CDH13: variants seen among roughly 807,000 people sequenced by gnomAD.
CDH13 encodes the protein cadherin-13.
CDH13 carries 24 observed loss-of-function variants against 63.8 expected under a neutral mutation model. That is an observed-to-expected ratio of 0.38 (90% CI 0.27 to 0.53). CDH13 has a LOEUF of 0.53. Among genes scored for constraint, CDH13 ranks in the 20% least tolerant of loss-of-function variants. The pLI is 0.85. For missense variants in CDH13, 1,049 were observed against 903.1 expected (o/e 1.16, Z -2.07); for synonymous variants, 503 against 355.3 (o/e 1.42, Z -4.67).
chr16:83,549,946 G>A (rs1171170173), intron 7 of CDH13, among the ~76,000 whole-genome samples: 2 of 152,158 alleles, frequency 1.3e-5, no homozygotes, highest in South Asian at 2.1e-4. Flanking sequence ...TTTCCCACTC[G>A]TCTTGCTGGT....
rs77039277 is a variant in CDH13, at chr16:82,848,897, G to T, written c.46-9465G>T. On this transcript the variant is annotated intron_variant, in intron 1 of 13. Transcript: ENST00000567109. ...AGGTAGGCTGAAAGCTAGGTTTCTT[G>T]TGCCAAAGAGTAAAGTTGTGAATGC... Among the ~76,000 whole-genome samples, 579 of 152,314 alleles carry T rather than the reference G, an allele frequency of 3.8e-3. 1 individual carries two copies. The highest frequency in any genetic ancestry group is 6.7e-3 in the Non-Finnish European group (454 of 68,032).
chr16:83,732,556 G>T (rs1911142690), intron 10 of CDH13, among the ~76,000 whole-genome samples: 1 of 152,108 alleles, frequency 6.6e-6, no homozygotes, highest in Non-Finnish European at 1.5e-5. Context: ...ACTGTAGTAG[G>T]GTTCTGTTTC....
intron 7 of CDH13, among the ~76,000 whole-genome samples, chr16:83,601,158 C>G (rs779486681): frequency 9.2e-5 from 14 of 152,032 alleles, no homozygotes; most frequent in Non-Finnish European, 1.9e-4. Context: ...AAAGGCAATC[C>G]TAACCCAAAC....
chr16:83,301,320 C>A (rs183760159), intron 5 of CDH13, among the ~76,000 whole-genome samples: 1 of 152,070 alleles, frequency 6.6e-6, no homozygotes, highest in South Asian at 2.1e-4. Context: ...CGTGAGCCAC[C>A]GCACCTGGTC....
chr16:83,478,287 C>G (rs1006975354), intron 6 of CDH13, among the ~76,000 whole-genome samples: 10 of 152,124 alleles, frequency 6.6e-5, no homozygotes, highest in African/African-American at 1.9e-4. Context: ...TGCCACCAAC[C>G]CCACCTCTCC....
chr16:82,758,441 C>T (rs1365500601), intron 1 of CDH13, among the ~76,000 whole-genome samples: 1 of 147,904 alleles, frequency 6.8e-6, no homozygotes, highest in Non-Finnish European at 1.5e-5. Flanking sequence ...CCCCCCTTTG[C>T]TTTGTCTCCC....
intron 2 of CDH13, among the ~76,000 whole-genome samples, chr16:82,903,000 T>C (rs1343885946): frequency 1.3e-5 from 2 of 152,348 alleles, no homozygotes; most frequent in South Asian, 4.1e-4. Flanking sequence ...CTCCTTTCTC[T>C]AGTTCAGGCA....
chr16:82,867,088 C>G (rs1339394837), intron 2 of CDH13, among the ~76,000 whole-genome samples: 1 of 152,184 alleles, frequency 6.6e-6, no homozygotes, highest in East Asian at 1.9e-4. Flanking sequence ...TGAGGGCCAC[C>G]TCGAACCTCA....
At chr16:83,451,614 C>G (rs959596549) in intron 6 of CDH13, among the ~76,000 whole-genome samples, 2 of 152,180 alleles carry the variant, frequency 1.3e-5, no homozygotes, top group Non-Finnish European at 2.9e-5. Context: ...ACTTCCTGGG[C>G]TCAAGAGATT....
At chr16:82,725,174 T>C (rs574837872) in intron 1 of CDH13, among the ~76,000 whole-genome samples, 59 of 152,062 alleles carry the variant, frequency 3.9e-4, no homozygotes, top group African/African-American at 1.3e-3. Context: ...ATGGCGATGA[T>C]GATGATTTGG....
At chr16:83,310,223 G>C (rs1336705893) in intron 5 of CDH13, among the ~76,000 whole-genome samples, 2 of 152,140 alleles carry the variant, frequency 1.3e-5, no homozygotes, top group East Asian at 1.9e-4. Flanking sequence ...AGTTATGTCT[G>C]TAATATTCCC....
At position 83,207,568 on chromosome 16, in the gene CDH13, G is replaced by A. The variant is rs1166885047; in HGVS notation, c.484-9777G>A. Among the ~76,000 whole-genome samples the A allele has an allele frequency of 4.6e-5, 7 of 152,174 alleles. No homozygotes were observed. In the East Asian group the frequency reaches 1.2e-3, roughly 25 times the overall value. ...GAGTTGTTCCCACATTTTGGCTATT[G>A]TGAGAAATCCTACAGAATGCTTATT... is the stretch of plus-strand genomic sequence containing the variant. On this transcript the variant is annotated intron_variant, in intron 4 of 13. Coordinates refer to ENST00000567109, the MANE Select transcript of CDH13 (RefSeq NM_001257.5).
chr16:83,718,452 C>T (rs72797291), intron 10 of CDH13, among the ~76,000 whole-genome samples: 19,622 of 152,134 alleles, frequency 0.13, 1,389 homozygotes, highest in Admixed American at 0.16. Context: ...GTGAAGGAAT[C>T]GCTCTCAAGG....
intron 8 of CDH13, among the ~76,000 whole-genome samples, chr16:83,631,958 T>C (rs1910815399): frequency 6.6e-6 from 1 of 152,146 alleles, no homozygotes; most frequent in South Asian, 2.1e-4. Flanking sequence ...AGACAAACTG[T>C]CCATATGACA....
Position 83,303,082 on chromosome 16 carries a change from C to T in CDH13, c.637-41780C>T, listed in dbSNP as rs1404120017. The stretch of plus-strand genomic sequence containing the variant: ...TGCCCACATGATGGCATCAGAGAGA[C>T]AAGGGGCATCTCTTTTATCTGTCAT... On this transcript the variant is annotated intron_variant, in intron 5 of 13. Transcript: ENST00000567109. Among the ~76,000 whole-genome samples, 3 of 152,260 alleles carry T rather than the reference C, an allele frequency of 2.0e-5. No homozygotes were observed. The East Asian group carries it at 5.8e-4, about 29-fold the overall frequency.
At chr16:83,336,991 T>C (rs1287534962) in intron 5 of CDH13, among the ~76,000 whole-genome samples, 1 of 152,228 alleles carries the variant, frequency 6.6e-6, no homozygotes, top group Non-Finnish European at 1.5e-5. Context: ...GTGTCTTTCA[T>C]GGCTGAAGAT....
At chr16:83,788,843 G>A (rs1916064880) in intron 13 of CDH13, among the ~76,000 whole-genome samples, 1 of 152,168 alleles carries the variant, frequency 6.6e-6, no homozygotes, top group South Asian at 2.1e-4. Context: ...TTCCCACAGT[G>A]AAACTCTGGA....
intron 1 of CDH13, among the ~76,000 whole-genome samples, chr16:82,717,653 T>A (rs1480478667): frequency 1.3e-5 from 2 of 152,212 alleles, no homozygotes; most frequent in African/African-American, 4.8e-5. Context: ...TTGTGTCCAA[T>A]ATTCCTCTGC....
intron 8 of CDH13, among the ~76,000 whole-genome samples, chr16:83,626,496 C>G (rs139834251): frequency 1.3e-5 from 2 of 152,176 alleles, no homozygotes; most frequent in Non-Finnish European, 2.9e-5. Flanking sequence ...ATGAGTAGGT[C>G]AGTGGACAAT....
Sources: gnomAD v4.1 joint callset for allele counts (sites outside exome capture counted in the v4.1 genomes callset) on GRCh38, gnomAD v4.1.1 for gene constraint, MANE v1.5 for transcripts, NCBI Gene and HGNC (gene_info 2026-07-23, HGNC 2026-07-21) for gene names.